The following TEP1 variants were observed in gnomAD, a reference collection of about 807,000 sequenced individuals.
TEP1 encodes the protein telomerase associated protein 1, also known as telomerase protein component 1.
In TEP1, 241 loss-of-function variants were observed where a neutral mutation model predicts 306.3. The ratio of observed to expected loss-of-function variants is 0.79; its 90% CI spans 0.71 to 0.88. The LOEUF is 0.88. Among genes scored for constraint, TEP1 ranks in the 40% least tolerant of loss-of-function variants. TEP1 has a pLI of 0.00. For missense variants in TEP1, 3,051 were observed against 3,276.1 expected, an observed-to-expected ratio of 0.93 and a Z score of 1.68; for synonymous variants, 1,289 against 1,305.5, an observed-to-expected ratio of 0.99 and a Z score of 0.27.
At chr14:20,401,398 A>T in intron 8 of TEP1, 59 bp downstream of exon 8, 1 of 1,603,784 alleles carries the variant, frequency 6.2e-7, no homozygotes, top group Non-Finnish European at 8.5e-7. Context: ...GGGGCCACGG[A>T]TGTTGAAAAG....
chr14:20,369,490 T>C lies in TEP1; in HGVS notation c.7510A>G (p.Met2504Val), dbSNP rs1355477295. 1 of 1,614,174 alleles carries C rather than the reference T, an allele frequency of 6.2e-7. No individual in the cohort carries two copies. ...GGAGTGTTTGCTTTTTTCTGCCACATGTTACCTGTGGTCCATTCTCCTTCT... is the reference window on the plus strand; with the variant it reads ...GGAGTGTTTGCTTTTTTCTGCCACACGTTACCTGTGGTCCATTCTCCTTCT... ...SPEGEWTTGNMWQKKANTPET... is the reference protein window; with the variant it reads ...SPEGEWTTGNVWQKKANTPET... The change falls in exon 53 of 55, where the codon ATG becomes GTG. Residue 2504 changes from methionine (M) to valine (V), a missense_variant. Met to Val is a conservative substitution (Grantham distance 21). Coordinates refer to ENST00000262715, the MANE Select transcript of TEP1 (RefSeq NM_007110.5).
Position 20,391,615 on chromosome 14 carries a change from T to G in TEP1, c.2081A>C (p.Lys694Thr), listed in dbSNP as rs757287678. The change falls in exon 13 of 55, where the codon AAG (lysine) becomes ACG (threonine). Residue 694 changes from lysine to threonine, a missense_variant. Physicochemically the swap from Lys to Thr is moderately conservative, Grantham distance 78. This residue lies in a region of TEP1 where 1,507 missense variants were observed against 1,550.5 expected (regional missense o/e 0.97). Coordinates refer to ENST00000262715, the MANE Select transcript of TEP1 (RefSeq NM_007110.5). Reference sequence around the variant, plus strand: ...TTTTCTTACCCCTTGTGGGTTGCTCTTTGGACAGAGCCTGTCTGCATTAGC... The same window carrying G: ...TTTTCTTACCCCTTGTGGGTTGCTCGTTGGACAGAGCCTGTCTGCATTAGC... ...TDANADRLCP[K>T]SNPQGPPLNY... is the part of the protein sequence containing the mutation. 1 of 1,613,900 alleles carries G rather than the reference T, an allele frequency of 6.2e-7. No homozygotes were observed. The highest frequency in any genetic ancestry group is 1.1e-5 in the South Asian group (1 of 91,048).
chr14:20,408,585 A>G (rs1879396152), intron 1 of TEP1, 122 bp from the exon 2 acceptor site: 3 of 778,082 alleles, frequency 3.9e-6, no homozygotes, highest in Non-Finnish European at 4.0e-6. Flanking sequence ...AAAACAACCA[A>G]TGTTGTTTTT....
In TEP1 at chr14:20,383,647, GTACAT is replaced by G; in HGVS notation, c.3711-8_3711-4del. ...GCTGCAGCTCCCACACCAGGCTTCT[GTACAT>G]GGAGAGGAAGTCAGGGTCAGTGGGA... On this transcript the variant is annotated splice_polypyrimidine_tract_variant and splice_region_variant and intron_variant, in intron 25 of 54. Coordinates refer to ENST00000262715, the MANE Select transcript of TEP1 (RefSeq NM_007110.5). 1 of 1,612,836 alleles carries G rather than the reference GTACAT, an allele frequency of 6.2e-7. No homozygotes were observed. The highest frequency in any genetic ancestry group is 1.1e-5 in the South Asian group (1 of 90,780).
intron 1 of TEP1, among the ~76,000 whole-genome samples, chr14:20,410,809 T>TG (rs1654599215): frequency 4.2e-5 from 1 of 23,726 alleles, no homozygotes. Context: ...GTGGTTTTTT[T>TG]TTTTTTTTTT....
At chr14:20,372,919 C>A in intron 48 of TEP1, 62 bp from the exon 49 acceptor site, 1 of 1,613,272 alleles carries the variant, frequency 6.2e-7, no homozygotes, top group Non-Finnish European at 8.5e-7. Context: ...CATCTTTTCC[C>A]TCCCAGGCAC....
chr14:20,401,725 G>A (rs973834826), intron 7 of TEP1, 144 bp from the exon 8 acceptor site: 1 of 1,245,934 alleles, frequency 8.0e-7, no homozygotes, highest in African/African-American at 1.5e-5. Flanking sequence ...AGCAGGAATA[G>A]AGGGTACAAA....
chr14:20,403,876 A>T lies in TEP1; in HGVS notation c.1041T>A (p.Ala347=). ...IQVAELYQSL[A]EGDKNKLVPL... ...GCACCAGCTTATTCTTATCTCCCTC[A>T]GCCAGGCTCTGTCAAAGAGAGAGGA... The change falls in exon 6 of 55, where the codon GCT becomes GCA. Residue 347 remains alanine, a synonymous_variant. Coordinates refer to ENST00000262715, the MANE Select transcript of TEP1 (RefSeq NM_007110.5). 1 of 1,614,154 alleles carries T rather than the reference A, an allele frequency of 6.2e-7. No individual in the cohort carries two copies. Among genetic ancestry groups the T allele is most frequent in the Non-Finnish European group, 8.5e-7 (1 of 1,180,024 alleles).
chr14:20,412,915 T>G (rs1879787921), intron 1 of TEP1, among the ~76,000 whole-genome samples: 1 of 151,970 alleles, frequency 6.6e-6, no homozygotes, highest in Admixed American at 6.6e-5. Context: ...AACCTCCGCC[T>G]CCCAAAGTGC....
chr14:20,369,009 T>TA, intron 53 of TEP1, 107 bp from the exon 54 acceptor site: 3 of 798,224 alleles, frequency 3.8e-6, no homozygotes, highest in Non-Finnish European at 6.0e-6. Context: ...CCTTAGTATT[T>TA]CTTTTTTTTT....
At chr14:20,382,130 T>C (rs1332230910) in intron 29 of TEP1, 67 bp from the exon 30 acceptor site, 1 of 1,610,198 alleles carries the variant, frequency 6.2e-7, no homozygotes, top group Non-Finnish European at 8.5e-7. Flanking sequence ...CCACACCCAG[T>C]CTCTCCTTGA....
rs148787322 is a variant in TEP1, at chr14:20,373,747, C to T, written c.6535G>A (p.Glu2179Lys). Reference sequence around the variant, plus strand: ...GAGTGAGCAGGGATGCTGGTCAGCTCCACGCCTTGATGGTCCCACACTTTC... The same window carrying T: ...GAGTGAGCAGGGATGCTGGTCAGCTTCACGCCTTGATGGTCCCACACTTTC... ...TLKVWDHQGVELTSIPAHSGP... is the reference protein window; with the variant it reads ...TLKVWDHQGVKLTSIPAHSGP... The change falls in exon 45 of 55, where the codon GAG (glutamate) becomes AAG (lysine). Residue 2179 changes from glutamate to lysine, a missense_variant. Glu to Lys is a moderately conservative substitution (Grantham distance 56, BLOSUM62 1). Around this residue, in one of 3 missense-constraint regions of TEP1, gnomAD observed 1,540 missense variants for 1,705.9 expected, o/e 0.90. Transcript: ENST00000262715. 4 of 1,614,028 alleles carry T rather than the reference C, an allele frequency of 2.5e-6. No homozygotes were observed. The African/African-American group carries it at 5.3e-5, about 22-fold the overall frequency.
intron 51 of TEP1, 147 bp from the exon 52 acceptor site, chr14:20,369,926 T>TTTTTC: frequency 3.2e-6 from 2 of 621,448 alleles, no homozygotes; most frequent in Non-Finnish European, 5.5e-6. Flanking sequence ...AAATTTTTTT[T>TTTTTC]TTTTTGAGAC....
chr14:20,384,561 A>C, intron 22 of TEP1, 39 bp downstream of exon 22: 1 of 1,613,432 alleles, frequency 6.2e-7, no homozygotes, highest in Non-Finnish European at 8.5e-7. Flanking sequence ...TCCTCTCACC[A>C]CATCTCTGTA....
At chr14:20,408,809 T>C (rs1175211344) in intron 1 of TEP1, among the ~76,000 whole-genome samples, 2 of 151,330 alleles carry the variant, frequency 1.3e-5, no homozygotes, top group Non-Finnish European at 2.9e-5. Flanking sequence ...TCTACAAAGT[T>C]TTAAAAAATA....
chr14:20,400,235 G>A (rs1208665744), intron 9 of TEP1, among the ~76,000 whole-genome samples: 3 of 151,284 alleles, frequency 2.0e-5, no homozygotes, highest in African/African-American at 7.3e-5. Context: ...TCAACCATCA[G>A]GGAAGAAGAG....
intron 7 of TEP1, 68 bp from the exon 8 acceptor site, chr14:20,401,649 A>T (rs1878765237): frequency 6.3e-7 from 1 of 1,591,788 alleles, no homozygotes; most frequent in African/African-American, 1.4e-5. Context: ...TCTTCAATAA[A>T]GCAGATTGTA....
At chr14:20,399,848 G>A (rs1312055942) in intron 9 of TEP1, among the ~76,000 whole-genome samples, 1 of 151,902 alleles carries the variant, frequency 6.6e-6, no homozygotes, top group African/African-American at 2.4e-5. Context: ...GGGAGGAAGT[G>A]GAGATGGGTG....
Position 20,373,268 on chromosome 14 carries a change from A to G in TEP1, c.6814+2T>C. 6.2e-7 allele frequency: 1 copy of G among 1,613,826 alleles called. No individual in the cohort carries two copies. Among genetic ancestry groups the G allele is most frequent in the Non-Finnish European group, 8.5e-7 (1 of 1,179,806 alleles). The stretch of plus-strand genomic sequence containing the variant: ...CCCTGTCTCTCTCCAAGCCTCACTC[A>G]CCTGCTTCCTTAGGAACCTGCCAGA... On this transcript the variant is annotated splice_donor_variant, in intron 47 of 54. Transcript: ENST00000262715. LOFTEE classifies it high-confidence loss of function.
Sources: allele counts gnomAD v4.1 joint callset (sites outside exome capture counted in the v4.1 genomes callset), GRCh38; gene constraint gnomAD v4.1.1; regional missense constraint gnomAD v4.1.1; transcripts MANE v1.5; gene names NCBI Gene and HGNC (gene_info 2026-07-23, HGNC 2026-07-21).